TECPR2: variants seen among roughly 807,000 people sequenced by gnomAD.
The protein encoded by TECPR2 is tectonin beta-propeller repeat containing 2.
A neutral mutation model predicts 138.1 loss-of-function variants in TECPR2; 65 were observed. That is an observed-to-expected ratio of 0.47 (90% confidence interval 0.39 to 0.58). TECPR2 has a LOEUF of 0.58. Among genes scored for constraint, TECPR2 ranks in the 20% least tolerant of loss-of-function variants. The pLI is 0.00. For synonymous variants in TECPR2, 746 were observed against 749.8 expected, an observed-to-expected ratio of 0.99 and a Z score of 0.08; for missense variants, 1,553 against 1,824.5, an observed-to-expected ratio of 0.85 and a Z score of 2.71.
rs1891090368 is a variant in TECPR2, at chr14:102,488,598, C to T, written c.3790-8381C>T. ...ACCTCAGGTGGTCCGCCTGCCTCAG[C>T]CTCCCGAAGTGCTGGGATTACAGGC... On this transcript the variant is annotated intron_variant, in intron 17 of 19. Coordinates refer to ENST00000359520, the MANE Select transcript of TECPR2 (RefSeq NM_014844.5). 2.0e-5 allele frequency among the ~76,000 whole-genome samples: 3 copies of T among 152,064 alleles called. No individual in the cohort carries two copies. The South Asian group carries it at 6.2e-4, about 32-fold the overall frequency.
In TECPR2 at chr14:102,432,123, A is replaced by T; in HGVS notation, c.1412A>T (p.Lys471Met). Reference sequence around the variant, plus strand: ...GTGAAAAGGAAGAAGAAGAAGAAGAAGACAGGTACCCTCTGTAGCTGGCAC... The same window carrying T: ...GTGAAAAGGAAGAAGAAGAAGAAGATGACAGGTACCCTCTGTAGCTGGCAC... ...IKVKRKKKKK[K>M]TEGGSRSTCH... The change falls in exon 8 of 20, where the codon AAG becomes ATG. Residue 471 changes from lysine (K) to methionine (M), a missense_variant. Coordinates refer to ENST00000359520, the MANE Select transcript of TECPR2 (RefSeq NM_014844.5). The T allele has an allele frequency of 6.4e-7, 1 of 1,570,034 alleles. No individual in the cohort carries two copies. Among genetic ancestry groups the T allele is most frequent in the East Asian group, 2.3e-5 (1 of 43,998 alleles).
intron 5 of TECPR2, among the ~76,000 whole-genome samples, chr14:102,424,237 T>G (rs1471109151): frequency 6.6e-6 from 1 of 152,214 alleles, no homozygotes; most frequent in Non-Finnish European, 1.5e-5. Context: ...GGTAAGTAAT[T>G]GTATGTCTAA....
intron 14 of TECPR2, among the ~76,000 whole-genome samples, chr14:102,450,163 G>GA (rs1201263678): frequency 6.6e-6 from 1 of 152,114 alleles, no homozygotes; most frequent in East Asian, 1.9e-4. Context: ...CATTTTAAAT[G>GA]AAAAAATCCA....
chr14:102,407,916 GAAC>G (rs1888707633), intron 3 of TECPR2, among the ~76,000 whole-genome samples: 1 of 152,144 alleles, frequency 6.6e-6, no homozygotes, highest in Admixed American at 6.5e-5. Context: ...AGAATGGCGT[GAAC>G]CCGGAAGACG....
At position 102,497,139 on chromosome 14, in the gene TECPR2, G is replaced by T; in HGVS notation, c.3931+19G>T. The T allele has an allele frequency of 6.2e-7, 1 of 1,605,724 alleles. No individual in the cohort carries two copies. On this transcript the variant is annotated intron_variant, in intron 18 of 19. Coordinates refer to ENST00000359520, the MANE Select transcript of TECPR2 (RefSeq NM_014844.5). ...GTGCCAGGTAGGAGCCTGCAGACAG[G>T]GCCTGTGGTGCCGGCCAGCCGGGGC...
chr14:102,364,014 G>C (rs1351122784), intron 1 of TECPR2, among the ~76,000 whole-genome samples: 1 of 152,070 alleles, frequency 6.6e-6, no homozygotes, highest in Non-Finnish European at 1.5e-5. Flanking sequence ...CTCTTATTGG[G>C]ATTCAGGAAT....
intron 17 of TECPR2, among the ~76,000 whole-genome samples, chr14:102,492,280 C>G (rs891448437): frequency 6.6e-6 from 1 of 152,206 alleles, no homozygotes; most frequent in Admixed American, 6.5e-5. Flanking sequence ...GCCAGTCCTC[C>G]TTTCGGAGAG....
chr14:102,492,530 A>G (rs1434596230), intron 17 of TECPR2, among the ~76,000 whole-genome samples: 1 of 152,250 alleles, frequency 6.6e-6, no homozygotes, highest in African/African-American at 2.4e-5. Context: ...TTTATTGGAT[A>G]AAAGCGGGTG....
rs763913580 is a variant in TECPR2, at chr14:102,493,044, C to T, written c.3790-3935C>T. On this transcript the variant is annotated intron_variant, in intron 17 of 19. Coordinates refer to ENST00000359520, the MANE Select transcript of TECPR2 (RefSeq NM_014844.5). ...CCGCCTGCCACCGTGCTGCTTCCAG[C>T]GCCCATCTTTCTCTATCTGGAGACC... Among the ~76,000 whole-genome samples the T allele has an allele frequency of 1.1e-4, 17 of 152,338 alleles. No homozygotes were observed. The East Asian group carries it at 1.2e-3, about 10-fold the overall frequency.
chr14:102,456,513 A>G (rs886890232), intron 16 of TECPR2, among the ~76,000 whole-genome samples: 4 of 151,190 alleles, frequency 2.6e-5, no homozygotes, highest in Admixed American at 6.6e-5. Flanking sequence ...TATCCCCTCA[A>G]CGAGTATCTG....
chr14:102,363,467 T>G (rs1251937554), intron 1 of TECPR2, among the ~76,000 whole-genome samples: 4 of 151,872 alleles, frequency 2.6e-5, no homozygotes, highest in African/African-American at 7.3e-5. Context: ...CTCTGCTCCT[T>G]CGCCTTAAGA....
chr14:102,400,165 C>T (rs1204344291), intron 2 of TECPR2, among the ~76,000 whole-genome samples: 1 of 151,734 alleles, frequency 6.6e-6, no homozygotes, highest in East Asian at 1.9e-4. Context: ...TGTGCCTCAG[C>T]CTCCCAAGTA....
chr14:102,452,264 C>A (rs1890164117), intron 15 of TECPR2, 130 bp from the exon 16 acceptor site: 3 of 812,194 alleles, frequency 3.7e-6, no homozygotes, highest in South Asian at 1.7e-5. Context: ...TGGGAATGGG[C>A]AGGTGAGTGA....
intron 17 of TECPR2, among the ~76,000 whole-genome samples, chr14:102,476,006 G>GGA (rs1044748116): frequency 2.6e-5 from 4 of 152,034 alleles, no homozygotes; most frequent in Non-Finnish European, 5.9e-5. Flanking sequence ...CCTGAGGTCA[G>GGA]GAGTTGCCTG....
intron 5 of TECPR2, among the ~76,000 whole-genome samples, chr14:102,421,293 CACCA>C (rs1328312206): frequency 6.6e-6 from 1 of 152,212 alleles, no homozygotes; most frequent in Non-Finnish European, 1.5e-5. Flanking sequence ...AGAACAAACC[CACCA>C]AAGGCAGTAA....
chr14:102,376,644 C>A lies in TECPR2; in HGVS notation c.-72-6C>A. ...ATTGAAAGGATTGTAATGCTTTGTT[C>A]TGTAGCCCCCAGGTTTCCCTAGATG... On this transcript the variant is annotated splice_polypyrimidine_tract_variant and splice_region_variant and intron_variant, in intron 1 of 19. Coordinates refer to ENST00000359520, the MANE Select transcript of TECPR2 (RefSeq NM_014844.5). 1 of 1,322,668 alleles carries A rather than the reference C, an allele frequency of 7.6e-7. No homozygotes were observed. The highest frequency in any genetic ancestry group is 1.9e-5 in the Admixed American group (1 of 53,888). The allele number at this position is 1,322,668 out of a possible 1,614,324, so 81.9% of individuals were successfully genotyped here.
chr14:102,488,314 C>T (rs1460551496), intron 17 of TECPR2, among the ~76,000 whole-genome samples: 4 of 118,262 alleles, frequency 3.4e-5, no homozygotes, highest in South Asian at 2.7e-4. Context: ...CCACTGTGCT[C>T]GGCCTTTTTT....
At chr14:102,430,662 C>T (rs576343264) in intron 7 of TECPR2, among the ~76,000 whole-genome samples, 29 of 152,262 alleles carry the variant, frequency 1.9e-4, no homozygotes, top group Admixed American at 9.2e-4. Context: ...CCTGTGGTGT[C>T]GTGTTGCAGA....
intron 17 of TECPR2, among the ~76,000 whole-genome samples, chr14:102,466,328 A>G (rs1017796351): frequency 1.2e-4 from 19 of 152,182 alleles, no homozygotes; most frequent in Non-Finnish European, 2.2e-4. Context: ...GATGGGGATG[A>G]TATTGTCTAT....
Sources: allele counts gnomAD v4.1 joint callset (sites outside exome capture counted in the v4.1 genomes callset), GRCh38; gene constraint gnomAD v4.1.1; transcripts MANE v1.5; gene names NCBI Gene and HGNC (gene_info 2026-07-23, HGNC 2026-07-21).